PAK5: variants seen among roughly 807,000 people sequenced by gnomAD.
PAK5 encodes p21 (RAC1) activated kinase 5, also known as serine/threonine-protein kinase PAK 5.
A neutral mutation model predicts 65.9 loss-of-function variants in PAK5; 16 were observed. The observed-to-expected ratio is 0.24, with a 90% CI of 0.16 to 0.37. The LOEUF (loss-of-function observed/expected upper bound fraction) is 0.37. Among genes scored for constraint, PAK5 ranks in the 10% least tolerant of loss-of-function variants. The pLI, the probability that PAK5 is intolerant of heterozygous loss-of-function variation, is 1.00. For synonymous variants in PAK5, 371 were observed against 354.9 expected, an observed-to-expected ratio of 1.05 and a Z score of -0.51; for missense variants, 785 against 903.9, an observed-to-expected ratio of 0.87 and a Z score of 1.69.
intron 3 of PAK5, among the ~76,000 whole-genome samples, chr20:9,621,426 C>T (rs1350076550): frequency 2.6e-5 from 3 of 113,906 alleles, no homozygotes; most frequent in Non-Finnish European, 5.7e-5. Flanking sequence ...AAAAAAAAGA[C>T]ACACCTAGGC....
intron 3 of PAK5, among the ~76,000 whole-genome samples, chr20:9,626,602 T>C (rs889620886): frequency 6.6e-6 from 1 of 152,214 alleles, no homozygotes; most frequent in Non-Finnish European, 1.5e-5. Flanking sequence ...GGGTGTGGTA[T>C]CCAACCTGGT....
rs2045958773 is a variant in PAK5, at chr20:9,580,482, T to C, written c.653A>G (p.Glu218Gly). Residue 218 changes from glutamate to glycine, a missense_variant, in exon 4 of 10, where the codon GAG becomes GGG. Coordinates refer to ENST00000353224, the MANE Select transcript of PAK5 (RefSeq NM_177990.4). The part of the protein sequence containing the change: ...KPSEYSDLKW[E>G]YQRASSSSPL... Reference sequence around the variant, plus strand: ...GGAGCTACTCGAGGCTCTCTGATACTCCCACTTGAGGTCACTGTATTCACT... The same window carrying C: ...GGAGCTACTCGAGGCTCTCTGATACCCCCACTTGAGGTCACTGTATTCACT... 3 of 1,613,910 alleles carry C rather than the reference T, an allele frequency of 1.9e-6. No individual in the cohort carries two copies. In the South Asian group the frequency reaches 3.3e-5, roughly 18 times the overall value.
intron 2 of PAK5, among the ~76,000 whole-genome samples, chr20:9,657,834 C>T (rs1340974636): frequency 5.3e-5 from 8 of 152,150 alleles, no homozygotes; most frequent in Admixed American, 4.6e-4. Context: ...AATGATTTGC[C>T]TTGTTCAAGA....
intron 1 of PAK5, among the ~76,000 whole-genome samples, chr20:9,738,709 T>C (rs1447478379): frequency 2.0e-5 from 3 of 152,172 alleles, no homozygotes; most frequent in Non-Finnish European, 4.4e-5. Context: ...AAGGCTGTAA[T>C]AAAACTTCAG....
chr20:9,544,247 G>A (rs1326684504), intron 8 of PAK5, 122 bp downstream of exon 8: 3 of 1,053,698 alleles, frequency 2.8e-6, no homozygotes, highest in African/African-American at 1.6e-5. Context: ...CTAGTGAGTG[G>A]GGATCAAATG....
At chr20:9,639,240 C>T (rs1319283686) in intron 3 of PAK5, among the ~76,000 whole-genome samples, 1 of 152,264 alleles carries the variant, frequency 6.6e-6, no homozygotes. Flanking sequence ...TCCCCTTAAA[C>T]CTTTTAATTT....
chr20:9,760,609 G>C (rs1194148549), intron 1 of PAK5, among the ~76,000 whole-genome samples: 3 of 148,826 alleles, frequency 2.0e-5, no homozygotes, highest in Non-Finnish European at 4.5e-5. Context: ...TTTGAGTTTA[G>C]CTTCTTTTTG....
intron 2 of PAK5, among the ~76,000 whole-genome samples, chr20:9,684,244 T>A (rs936362225): frequency 2.0e-5 from 3 of 152,178 alleles, no homozygotes; most frequent in African/African-American, 7.2e-5. Context: ...TGGGCTCAGA[T>A]TATGGTTCTG....
At chr20:9,639,119 G>A (rs928460039) in intron 3 of PAK5, among the ~76,000 whole-genome samples, 1 of 152,028 alleles carries the variant, frequency 6.6e-6, no homozygotes, top group African/African-American at 2.4e-5. Context: ...TTTGACTTCT[G>A]AGATATATTC....
intron 1 of PAK5, among the ~76,000 whole-genome samples, chr20:9,791,473 A>G (rs1182181478): frequency 6.6e-6 from 1 of 151,950 alleles, no homozygotes; most frequent in Admixed American, 6.6e-5. Flanking sequence ...TCCACCCCTC[A>G]CCCGACAATG....
intron 1 of PAK5, among the ~76,000 whole-genome samples, chr20:9,834,116 A>G (rs1978961249): frequency 6.6e-6 from 1 of 152,200 alleles, no homozygotes; most frequent in Non-Finnish European, 1.5e-5. Flanking sequence ...CACACTGTCT[A>G]ATTTTTGGTT....
intron 2 of PAK5, among the ~76,000 whole-genome samples, chr20:9,690,562 T>C (rs914780755): frequency 4.6e-5 from 7 of 151,926 alleles, no homozygotes; most frequent in African/African-American, 1.7e-4. Flanking sequence ...GCCTCAATCC[T>C]GCTGGGGACC....
At chr20:9,689,535 T>C (rs187513236) in intron 2 of PAK5, among the ~76,000 whole-genome samples, 1 of 152,320 alleles carries the variant, frequency 6.6e-6, no homozygotes, top group Admixed American at 6.5e-5. Flanking sequence ...AACCAATAAT[T>C]ACTCGTTTCC....
chr20:9,748,675 A>C (rs1022069940), intron 1 of PAK5, among the ~76,000 whole-genome samples: 1 of 152,192 alleles, frequency 6.6e-6, no homozygotes, highest in Non-Finnish European at 1.5e-5. Context: ...ATATTGGCAT[A>C]TTTGGACACC....
intron 1 of PAK5, among the ~76,000 whole-genome samples, chr20:9,774,962 A>AAACG (rs1281819291): frequency 1.4e-4 from 22 of 152,288 alleles, no homozygotes; most frequent in Admixed American, 5.9e-4. Flanking sequence ...TCAAAAAAAC[A>AAACG]AACGAACGAA....
At chr20:9,660,469 C>T (rs1008885091) in intron 2 of PAK5, among the ~76,000 whole-genome samples, 1 of 151,574 alleles carries the variant, frequency 6.6e-6, no homozygotes, top group Non-Finnish European at 1.5e-5. Flanking sequence ...TCCTTACCAC[C>T]CTTATGGGGC....
intron 3 of PAK5, among the ~76,000 whole-genome samples, chr20:9,641,808 C>G (rs955606913): frequency 1.2e-4 from 18 of 152,278 alleles, no homozygotes; most frequent in South Asian, 8.3e-4. Context: ...GGACTCAGTA[C>G]ACCCTCCGCA....
chr20:9,706,068 C>T (rs2048003038), intron 2 of PAK5, among the ~76,000 whole-genome samples: 1 of 152,178 alleles, frequency 6.6e-6, no homozygotes. Context: ...TGGAGAAATC[C>T]ATGAATTGAA....
chr20:9,774,222 A>T (rs1332334537), intron 1 of PAK5, among the ~76,000 whole-genome samples: 1 of 152,214 alleles, frequency 6.6e-6, no homozygotes, highest in African/African-American at 2.4e-5. Context: ...GCTTGGGGGA[A>T]AGGAGGAACA....
Sources: allele counts gnomAD v4.1 joint callset (sites outside exome capture counted in the v4.1 genomes callset), GRCh38; gene constraint gnomAD v4.1.1; transcripts MANE v1.5; gene names NCBI Gene and HGNC (gene_info 2026-07-23, HGNC 2026-07-21).